Variants in SLC27A5 observed in about 807,000 individuals in gnomAD.
The protein encoded by SLC27A5 is long-chain fatty acid transport protein 5.
In SLC27A5, 47 loss-of-function variants were observed where a neutral mutation model predicts 63.1. The observed-to-expected ratio is 0.74, with a 90% CI of 0.59 to 0.95. SLC27A5 has a LOEUF of 0.95. Ranked by LOEUF, SLC27A5 falls within the 40% of genes least tolerant of loss-of-function variation. The pLI is 0.00. For missense variants in SLC27A5, 940 were observed against 921.0 expected, an observed-to-expected ratio of 1.02 and a Z score of -0.27; for synonymous variants, 391 against 403.8, an observed-to-expected ratio of 0.97 and a Z score of 0.38.
intron 2 of SLC27A5, 95 bp from the exon 3 acceptor site, chr19:58,510,100 T>C (rs1009228949): frequency 1.3e-5 from 18 of 1,341,682 alleles, no homozygotes; most frequent in African/African-American, 7.3e-5. Flanking sequence ...CAGGCCTACA[T>C]TGGGGTTTGA....
In SLC27A5 at chr19:58,511,913, G is replaced by A. The variant is rs919013855; in HGVS notation, c.43C>T (p.Leu15Phe). The change falls in exon 1 of 10, where the codon CTC becomes TTC. Residue 15 changes from leucine to phenylalanine, a missense_variant. Coordinates refer to ENST00000263093, the MANE Select transcript of SLC27A5 (RefSeq NM_012254.3). ...QQLALLLLLLLLLWGLGQPVW... is the reference protein window; with the variant it reads ...QQLALLLLLLFLLWGLGQPVW... ...GGCTGCCCCAGGCCCCAGAGCAGGA[G>A]CAGCAGCAGCAGCAGCAAGGCCAAC... 1.3e-6 allele frequency: 2 copies of A among 1,537,598 alleles called. No homozygotes were observed. Among genetic ancestry groups the A allele is most frequent in the Middle Eastern group, 1.8e-4 (1 of 5,634 alleles).
Position 58,511,281 on chromosome 19 carries a change from C to T in SLC27A5, c.675G>A (p.Leu225=), listed in dbSNP as rs1292995865. ...CAAGGCCCTCACCTGGGTCCACCAC[C>T]AGCACCCGGGCCCCAGAGCTCAGCA... ...HSVLSSGARV[L]VVDPDLRESL... The change falls in exon 1 of 10, where the codon CTG becomes CTA. Residue 225 remains leucine, a synonymous_variant. Coordinates refer to ENST00000263093, the MANE Select transcript of SLC27A5 (RefSeq NM_012254.3). 1.3e-6 allele frequency: 2 copies of T among 1,548,278 alleles called. No individual in the cohort carries two copies. Among genetic ancestry groups the T allele is most frequent in the South Asian group, 1.2e-5 (1 of 83,278 alleles).
chr19:58,499,600 A>C lies in SLC27A5; in HGVS notation c.1559T>G (p.Val520Gly). ...GTCGCCCGATTGCCGCACGTTGCGC[A>C]CCAGCTTCCGTTCCGACAGCTCTCG... ...GPRELSERKLVRNVRQSGDVY... is the reference protein window; with the variant it reads ...GPRELSERKLGRNVRQSGDVY... Residue 520 changes from valine (V) to glycine (G), a missense_variant, in exon 7 of 10, where the codon GTG (valine) becomes GGG (glycine). By Grantham distance (109) the Val-to-Gly change is moderately radical (BLOSUM62 -3). Coordinates refer to ENST00000263093, the MANE Select transcript of SLC27A5 (RefSeq NM_012254.3). The C allele has an allele frequency of 6.2e-7, 1 of 1,611,708 alleles. No individual in the cohort carries two copies. Among genetic ancestry groups the C allele is most frequent in the East Asian group, 2.2e-5 (1 of 44,756 alleles).
chr19:58,510,559 G>T, intron 2 of SLC27A5, 162 bp downstream of exon 2: 2 of 652,534 alleles, frequency 3.1e-6, no homozygotes, highest in Non-Finnish European at 2.5e-6. Flanking sequence ...AGGCGACAGA[G>T]CGAGACTCTG....
In SLC27A5 at chr19:58,499,073, C is replaced by T. The variant is rs748932500; in HGVS notation, c.1765+50G>A. On this transcript the variant is annotated intron_variant, in intron 8 of 9. Coordinates refer to ENST00000263093, the MANE Select transcript of SLC27A5 (RefSeq NM_012254.3). Reference sequence around the variant, plus strand: ...CCCACCTGTAAAATCAGAATAACGACCCCTCCACCCACAAAGCTGTTGGAA... The same window carrying T: ...CCCACCTGTAAAATCAGAATAACGATCCCTCCACCCACAAAGCTGTTGGAA... 6 of 1,608,224 alleles carry T rather than the reference C, an allele frequency of 3.7e-6. No individual in the cohort carries two copies. The African/African-American group carries it at 6.7e-5, about 18-fold the overall frequency.
Position 58,498,376 on chromosome 19 carries a change from C to T in SLC27A5, c.*139G>A. The T allele has an allele frequency of 1.2e-6, 1 of 801,572 alleles. No homozygotes were observed. Among genetic ancestry groups the T allele is most frequent in the Non-Finnish European group, 1.9e-6 (1 of 517,708 alleles). The allele number at this position is 801,572 out of a possible 1,614,324, so 49.7% of individuals were successfully genotyped here. A position where few individuals can be genotyped will look rare whatever the true frequency, so the allele number is the denominator to read the frequency against. On this transcript the variant is annotated 3_prime_UTR_variant, in exon 10 of 10. Transcript: ENST00000263093. ...GTTTATTCTGCCACTGCTACAGGGCCCACTGTCATTTCCAGCCCACTGAGG... is the reference window on the plus strand; with the variant it reads ...GTTTATTCTGCCACTGCTACAGGGCTCACTGTCATTTCCAGCCCACTGAGG...
Position 58,501,425 on chromosome 19 carries a change from G to C in SLC27A5, c.1058-15C>G. 1 of 1,611,158 alleles carries C rather than the reference G, an allele frequency of 6.2e-7. No individual in the cohort carries two copies. The highest frequency in any genetic ancestry group is 8.5e-7 in the Non-Finnish European group (1 of 1,178,456). On this transcript the variant is annotated splice_polypyrimidine_tract_variant and intron_variant, in intron 3 of 9. Transcript: ENST00000263093. ...ACAGGTGGCTCCTGGGAGATGACAG[G>C]AGAGGGGGTTTCAGGTCATGCTTCC... is the stretch of plus-strand genomic sequence containing the variant.
intron 3 of SLC27A5, among the ~76,000 whole-genome samples, chr19:58,504,228 T>C (rs2053315762): frequency 6.6e-6 from 1 of 152,244 alleles, no homozygotes; most frequent in African/African-American, 2.4e-5. Context: ...ATGATATTAA[T>C]GTTGTTACGT....
chr19:58,505,501 G>C (rs894003670), intron 3 of SLC27A5, among the ~76,000 whole-genome samples: 1 of 151,778 alleles, frequency 6.6e-6, no homozygotes, highest in Non-Finnish European at 1.5e-5. Flanking sequence ...CCAAAGTGCT[G>C]GGATTACAGG....
At chr19:58,502,938 T>C (rs62117655) in intron 3 of SLC27A5, among the ~76,000 whole-genome samples, 2 of 228 alleles carry the variant, frequency 8.8e-3, no homozygotes, top group East Asian at 0.25. Flanking sequence ...TGGGTGAGGA[T>C]CGTCACGCCT....
Position 58,502,500 on chromosome 19 carries a change from T to TA in SLC27A5, c.1058-1091dup, listed in dbSNP as rs1362641014. 5.5e-5 allele frequency among the ~76,000 whole-genome samples: 2 copies of TA among 36,304 alleles called. 1 individual carries two copies. Among genetic ancestry groups the TA allele is most frequent in the Non-Finnish European group, 1.4e-4 (2 of 14,516 alleles). 23.8% of individuals were successfully genotyped at this position (36,304 alleles called of 152,430 possible). On this transcript the variant is annotated intron_variant, in intron 3 of 9. Coordinates refer to ENST00000263093, the MANE Select transcript of SLC27A5 (RefSeq NM_012254.3). ...GTGAGTAGATGGATGGGTGAACAGTTACAGTAGTGAGTGAGAAGATGGATG... is the reference window on the plus strand; with the variant it reads ...GTGAGTAGATGGATGGGTGAACAGTTAACAGTAGTGAGTGAGAAGATGGATG...
At chr19:58,510,628 T>G in intron 2 of SLC27A5, 93 bp downstream of exon 2, 1 of 1,100,732 alleles carries the variant, frequency 9.1e-7, no homozygotes, top group Non-Finnish European at 1.3e-6. Flanking sequence ...GGTAAAGTGG[T>G]TTCAGAGGTC....
chr19:58,501,192 G>T, intron 4 of SLC27A5, 94 bp downstream of exon 4: 1 of 1,483,326 alleles, frequency 6.7e-7, no homozygotes. Context: ...TTATCTGAGG[G>T]ACTTGAGTTC....
At position 58,511,683 on chromosome 19, in the gene SLC27A5, C is replaced by A; in HGVS notation, c.273G>T (p.Val91=). 1 of 1,577,590 alleles carries A rather than the reference C, an allele frequency of 6.3e-7. No individual in the cohort carries two copies. The highest frequency in any genetic ancestry group is 1.2e-5 in the South Asian group (1 of 86,570). ...GGTGGAGGATCTTGGCCAAGAAGAT[C>A]ACATCAGCCGGCAGCCAGCGTAGTC... ...PPGLRWLPAD[V]IFLAKILHLG... The change falls in exon 1 of 10, where the codon GTG becomes GTT. Residue 91 remains valine (V), a synonymous_variant. Transcript: ENST00000263093.
At chr19:58,503,523 C>A (rs143215227) in intron 3 of SLC27A5, among the ~76,000 whole-genome samples, 226 of 151,880 alleles carry the variant, frequency 1.5e-3, no homozygotes, top group Non-Finnish European at 2.9e-3. Context: ...ATTAGCCAGG[C>A]GTGGTGGCGC....
At chr19:58,510,150 G>A (rs1568633713) in intron 2 of SLC27A5, 145 bp from the exon 3 acceptor site, 2 of 738,822 alleles carry the variant, frequency 2.7e-6, no homozygotes, top group South Asian at 2.2e-5. Flanking sequence ...TTTGTGGTTG[G>A]GTTCACAGGC....
At chr19:58,500,451 T>A in intron 5 of SLC27A5, 22 bp from the exon 6 acceptor site, 1 of 1,613,700 alleles carries the variant, frequency 6.2e-7, no homozygotes, top group Non-Finnish European at 8.5e-7. Context: ...GGTGGAGTGT[T>A]GACATAGGTC....
At chr19:58,501,474 T>G in intron 3 of SLC27A5, 64 bp from the exon 4 acceptor site, 10 of 1,575,078 alleles carry the variant, frequency 6.3e-6, no homozygotes, top group Non-Finnish European at 6.9e-6. Context: ...AAGCTGCTTT[T>G]AGCACCTGTG....
rs1045103222 is a variant in SLC27A5, at chr19:58,499,231, G to A, written c.1668-11C>T. On this transcript the variant is annotated splice_polypyrimidine_tract_variant and intron_variant, in intron 7 of 9. Coordinates refer to ENST00000263093, the MANE Select transcript of SLC27A5 (RefSeq NM_012254.3). Reference sequence around the variant, plus strand: ...TTCTCGCCCTTCCATCTGCAAGGAGGGAGCCGGCGCTTGTGACCACGCCCC... The same window carrying A: ...TTCTCGCCCTTCCATCTGCAAGGAGAGAGCCGGCGCTTGTGACCACGCCCC... 5 of 1,612,412 alleles carry A rather than the reference G, an allele frequency of 3.1e-6. No individual in the cohort carries two copies. Among genetic ancestry groups the A allele is most frequent in the Middle Eastern group, 1.6e-4 (1 of 6,062 alleles).
Sources: allele counts gnomAD v4.1 joint callset (sites outside exome capture counted in the v4.1 genomes callset), GRCh38; gene constraint gnomAD v4.1.1; transcripts MANE v1.5; gene names NCBI Gene and HGNC (gene_info 2026-07-23, HGNC 2026-07-21).